The following EVC variants were observed in gnomAD, a reference collection of about 807,000 sequenced individuals.
EVC encodes evC complex member EVC.
EVC carries 116 observed loss-of-function variants against 118.9 expected under a neutral mutation model. The observed-to-expected ratio is 0.98, with a 90% CI of 0.84 to 1.14. The LOEUF (loss-of-function observed/expected upper bound fraction) is 1.14. EVC is among the 50% of genes most tolerant of loss of function. The pLI, the probability that EVC is intolerant of heterozygous loss-of-function variation, is 0.00. For synonymous variants in EVC, 619 were observed against 534.7 expected (o/e 1.16, Z -2.18); for missense variants, 1,401 against 1,246.4 (o/e 1.12, Z -1.87).
chr4:5,721,566 A>G (rs1472151502), intron 2 of EVC, among the ~76,000 whole-genome samples: 1 of 152,120 alleles, frequency 6.6e-6, no homozygotes, highest in Non-Finnish European at 1.5e-5. Context: ...TGCCATGAAA[A>G]TGTTCTAAAG....
At chr4:5,824,610 A>G in the EVC span, 1 of 951,332 alleles carries the variant, frequency 1.1e-6, no homozygotes, top group African/African-American at 1.8e-5. Flanking sequence ...TGTACGATCC[A>G]TGACCTGAGA....
the EVC span, among the ~76,000 whole-genome samples, chr4:5,819,849 G>GGAA: frequency 1.6e-3 from 250 of 152,276 alleles, 1 homozygote; most frequent in African/African-American, 5.6e-3. Flanking sequence ...CTTGTTTCAA[G>GGAA]GAAGTCTATA....
chr4:5,797,616 C>T (rs1429127881), intron 14 of EVC, among the ~76,000 whole-genome samples: 3 of 152,164 alleles, frequency 2.0e-5, no homozygotes, highest in Admixed American at 6.5e-5. Context: ...CTCACTTGAC[C>T]TTAATCACCT....
At position 5,809,563 on chromosome 4, in the gene EVC, G is replaced by A; in HGVS notation, c.2734G>A (p.Val912Met). The stretch of plus-strand genomic sequence containing the variant: ...CTCCGAGCTGGCAGCCTTGGCCCGA[G>A]TGCCCCTTGCTGAAAGCAAACTGTT... ...FISELAALAR[V>M]PLAESKLLPA... The change falls in exon 19 of 21, where the codon GTG becomes ATG. Residue 912 changes from valine (V) to methionine (M), a missense_variant. Coordinates refer to ENST00000264956, the MANE Select transcript of EVC (RefSeq NM_153717.3). 6.2e-7 allele frequency: 1 copy of A among 1,614,220 alleles called. No individual in the cohort carries two copies. Among genetic ancestry groups the A allele is most frequent in the Non-Finnish European group, 8.5e-7 (1 of 1,180,046 alleles).
intron 2 of EVC, among the ~76,000 whole-genome samples, chr4:5,726,918 T>G (rs1725949281): frequency 6.6e-6 from 1 of 152,090 alleles, no homozygotes; most frequent in Non-Finnish European, 1.5e-5. Flanking sequence ...TTTTTATGGT[T>G]GCATAGTATT....
In EVC at chr4:5,811,257, A is replaced by C; in HGVS notation, c.*220A>C. On this transcript the variant is annotated 3_prime_UTR_variant, in exon 21 of 21. Transcript: ENST00000264956. ...CCCGTCTTGGAAACACGTCTCTGTG[A>C]GTTTGCATTTCATTTGGCTTGGAGC... 1 of 530,380 alleles carries C rather than the reference A, an allele frequency of 1.9e-6. No homozygotes were observed. The highest frequency in any genetic ancestry group is 3.4e-6 in the Non-Finnish European group (1 of 293,508). The allele number at this position is 530,380 out of a possible 1,614,324, so 32.9% of individuals were successfully genotyped here.
At chr4:5,714,305 T>C (rs1222612392) in intron 1 of EVC, among the ~76,000 whole-genome samples, 1 of 152,248 alleles carries the variant, frequency 6.6e-6, no homozygotes, top group Non-Finnish European at 1.5e-5. Flanking sequence ...TTTTAACTTA[T>C]TTCATCATTA....
chr4:5,720,737 A>G (rs958256207), intron 2 of EVC, among the ~76,000 whole-genome samples: 3 of 152,124 alleles, frequency 2.0e-5, no homozygotes, highest in Non-Finnish European at 2.9e-5. Flanking sequence ...CTCTGCTGCT[A>G]TCCCGGGACA....
In EVC at chr4:5,813,586, G is replaced by T. The variant is rs181178072; in HGVS notation, c.*2549G>T. On this transcript the variant is annotated 3_prime_UTR_variant, in exon 21 of 21. Transcript: ENST00000264956. The stretch of plus-strand genomic sequence containing the variant: ...TCCCGGGGAAGCCTGATTTTGTGAC[G>T]TGTGTATAGTAAATGCAGGCCCTCT... 4.6e-5 allele frequency: 7 copies of T among 152,302 alleles called. No homozygotes were observed. The East Asian group carries it at 9.7e-4, about 21-fold the overall frequency. 9.4% of individuals were successfully genotyped at this position (152,302 alleles called of 1,614,324 possible).
At chr4:5,774,598 C>G (rs1242435136) in intron 11 of EVC, among the ~76,000 whole-genome samples, 2 of 151,986 alleles carry the variant, frequency 1.3e-5, no homozygotes, top group Non-Finnish European at 2.9e-5. Context: ...TGTGAGAAAC[C>G]TGGGGAGGGC....
intron 19 of EVC, 21 bp from the exon 20 acceptor site, chr4:5,810,317 TG>T: frequency 6.3e-7 from 1 of 1,586,080 alleles, no homozygotes; most frequent in Non-Finnish European, 8.6e-7. Flanking sequence ...GAGCCATGCC[TG>T]GGTTCATCTG....
At position 5,756,390 on chromosome 4, in the gene EVC, A is replaced by G; in HGVS notation, c.1563+28A>G. ...ACATGGCCTCTGTGGGGACCAGCAG[A>G]GAAGCCCCAGGGTCTGTGTGTGTGC... On this transcript the variant is annotated intron_variant, in intron 11 of 20. Coordinates refer to ENST00000264956, the MANE Select transcript of EVC (RefSeq NM_153717.3). This position sits in a 1 kb window ranked among gnomAD's most constrained non-coding sequence, Gnocchi z 4.2. 6.4e-7 allele frequency: 1 copy of G among 1,570,566 alleles called. No homozygotes were observed. The highest frequency in any genetic ancestry group is 1.2e-5 in the South Asian group (1 of 86,864).
intron 2 of EVC, 140 bp from the exon 3 acceptor site, chr4:5,729,167 A>C: frequency 1.3e-6 from 1 of 764,932 alleles, no homozygotes; most frequent in Admixed American, 2.0e-5. Context: ...AGGAAGAGCT[A>C]ATATGAATCT....
At chr4:5,803,464 G>C (rs1412463805) in intron 16 of EVC, among the ~76,000 whole-genome samples, 1 of 152,166 alleles carries the variant, frequency 6.6e-6, no homozygotes, top group Non-Finnish European at 1.5e-5. Flanking sequence ...TGCTACTGCA[G>C]AACATTCCAG....
rs763507888 is a variant in EVC, at chr4:5,719,297, C to A, written c.224C>A (p.Thr75Asn). Residue 75 changes from threonine to asparagine, a missense_variant, in exon 2 of 21, where the codon ACC becomes AAC. Physicochemically the swap from Thr to Asn is moderately conservative, Grantham distance 65. Coordinates refer to ENST00000264956, the MANE Select transcript of EVC (RefSeq NM_153717.3). The surrounding 1 kb of genome is among the most constrained non-coding windows in gnomAD (Gnocchi z 4.7). The stretch of plus-strand genomic sequence containing the variant: ...AAGAATTTGGAGTCTAATGCGCAGA[C>A]CCCCTCGGAAACTGGCTCCCCATCA... The part of the protein sequence containing the change: ...LLKNLESNAQ[T>N]PSETGSPSRR... 1 of 1,614,184 alleles carries A rather than the reference C, an allele frequency of 6.2e-7. No homozygotes were observed. Among genetic ancestry groups the A allele is most frequent in the Admixed American group, 1.7e-5 (1 of 60,026 alleles).
intron 16 of EVC, among the ~76,000 whole-genome samples, chr4:5,802,796 A>G (rs1577642606): frequency 6.6e-6 from 1 of 152,176 alleles, no homozygotes; most frequent in African/African-American, 2.4e-5. Context: ...GTAAATACAG[A>G]TGAAGCTTCG....
intron 18 of EVC, 61 bp from the exon 19 acceptor site, chr4:5,809,457 G>C (rs1289406854): frequency 7.7e-6 from 11 of 1,435,798 alleles, no homozygotes; most frequent in Non-Finnish European, 9.8e-7. Context: ...CTCACGTGGA[G>C]AGGGATTTAG....
chr4:5,713,028 A>G (rs1159644303), intron 1 of EVC, among the ~76,000 whole-genome samples: 1 of 152,172 alleles, frequency 6.6e-6, no homozygotes, highest in Non-Finnish European at 1.5e-5. Context: ...AGTTGGTTTG[A>G]ACCCCAAAGC....
Position 5,798,529 on chromosome 4 carries a change from C to G in EVC, c.2098-57C>G. 6.6e-7 allele frequency: 1 copy of G among 1,522,976 alleles called. No individual in the cohort carries two copies. The allele number at this position is 1,522,976 out of a possible 1,614,324, so 94.3% of individuals were successfully genotyped here. On this transcript the variant is annotated intron_variant, in intron 14 of 20. Transcript: ENST00000264956. This position sits in a 1 kb window ranked among gnomAD's most constrained non-coding sequence, Gnocchi z 4.1. ...ACCAGCCCCACATCCCAGTCCTGGC[C>G]AGAGCTTCTCTGTGAGAGGAGCACT...
Sources: allele counts gnomAD v4.1 joint callset (sites outside exome capture counted in the v4.1 genomes callset), GRCh38; gene constraint gnomAD v4.1.1; non-coding constraint Gnocchi (gnomAD v3.1); transcripts MANE v1.5; gene names NCBI Gene and HGNC (gene_info 2026-07-23, HGNC 2026-07-21).